The following NRP1 variants were observed in gnomAD, a reference collection of about 807,000 sequenced individuals.
NRP1 encodes neuropilin 1.
In NRP1, 35 loss-of-function variants were observed where a neutral mutation model predicts 106.7. That is an observed-to-expected ratio of 0.33 (90% CI 0.25 to 0.43). NRP1 has a LOEUF of 0.43. Ranked by LOEUF, NRP1 falls within the 20% of genes least tolerant of loss-of-function variation. The pLI is 1.00. For synonymous variants in NRP1, 437 were observed against 417.9 expected (o/e 1.05, Z -0.56); for missense variants, 1,024 against 1,170.4 (o/e 0.87, Z 1.83).
chr10:33,289,385 C>T (rs1033059023), intron 2 of NRP1, among the ~76,000 whole-genome samples: 15 of 152,092 alleles, frequency 9.9e-5, no homozygotes, highest in Non-Finnish European at 1.9e-4. Flanking sequence ...ATAGGTATTA[C>T]GTCTATAAAT....
intron 2 of NRP1, among the ~76,000 whole-genome samples, chr10:33,324,597 C>G (rs1297904323): frequency 6.6e-6 from 1 of 152,176 alleles, no homozygotes; most frequent in Non-Finnish European, 1.5e-5. Context: ...TCTATATCCA[C>G]TCCAAAGACT....
chr10:33,297,376 C>A (rs1039417713), intron 2 of NRP1, among the ~76,000 whole-genome samples: 29 of 152,266 alleles, frequency 1.9e-4, no homozygotes, highest in African/African-American at 5.5e-4. Context: ...GTATTTCCTA[C>A]CTTATATCTT....
At chr10:33,260,985 CAAA>C (rs35665366) in intron 4 of NRP1, among the ~76,000 whole-genome samples, 2 of 60,066 alleles carry the variant, frequency 3.3e-5, no homozygotes, top group African/African-American at 1.3e-4. Flanking sequence ...TGCCATTGAC[CAAA>C]AAAAAAAAAA....
intron 15 of NRP1, among the ~76,000 whole-genome samples, chr10:33,185,377 T>C (rs1338016868): frequency 6.6e-6 from 1 of 152,216 alleles, no homozygotes; most frequent in Non-Finnish European, 1.5e-5. Context: ...CATCTTTGGA[T>C]TCTGCATTAT....
chr10:33,266,227 T>A (rs114885306), intron 3 of NRP1, among the ~76,000 whole-genome samples: 1 of 152,226 alleles, frequency 6.6e-6, no homozygotes, highest in African/African-American at 2.4e-5. Context: ...TTTGGTGCTT[T>A]CACTTTGCCC....
chr10:33,299,682 A>C lies in NRP1; in HGVS notation c.249-28826T>G, dbSNP rs572790485. Among the ~76,000 whole-genome samples the C allele has an allele frequency of 3.8e-4, 58 of 152,312 alleles. No homozygotes were observed. In the South Asian group the frequency reaches 0.012, roughly 30 times the overall value. The stretch of plus-strand genomic sequence containing the variant: ...GCACTTGTGGTCCCAGCTACTGAAG[A>C]GTCTGAAGCAGGAGGCTCCCTTGAG... On this transcript the variant is annotated intron_variant, in intron 2 of 16. Transcript: ENST00000374867.
At chr10:33,303,782 A>G (rs938941003) in intron 2 of NRP1, among the ~76,000 whole-genome samples, 1 of 152,204 alleles carries the variant, frequency 6.6e-6, no homozygotes, top group African/African-American at 2.4e-5. Flanking sequence ...TTAAGATATA[A>G]CATATCTGTT....
In NRP1 at chr10:33,185,775, C is replaced by T. The variant is rs377371142; in HGVS notation, c.2335-51G>A. ...GTATTGAAATGCTCATCTCACATGG[C>T]AGTGTTTACAAATGCTTGTTCAGCT... is the stretch of plus-strand genomic sequence containing the variant. On this transcript the variant is annotated intron_variant, in intron 14 of 16. Coordinates refer to ENST00000374867, the MANE Select transcript of NRP1 (RefSeq NM_003873.7). The T allele has an allele frequency of 2.1e-5, 31 of 1,462,206 alleles. No homozygotes were observed. In the African/African-American group the frequency reaches 3.6e-4, roughly 17 times the overall value. 90.6% of individuals were successfully genotyped at this position (1,462,206 alleles called of 1,614,324 possible).
At chr10:33,302,945 G>A (rs903194862) in intron 2 of NRP1, among the ~76,000 whole-genome samples, 1 of 152,166 alleles carries the variant, frequency 6.6e-6, no homozygotes, top group Non-Finnish European at 1.5e-5. Context: ...GACTGCTTAG[G>A]TCTGTTTTTA....
chr10:33,332,031 T>C (rs1189291630), intron 1 of NRP1, among the ~76,000 whole-genome samples: 2 of 152,160 alleles, frequency 1.3e-5, no homozygotes, highest in Non-Finnish European at 2.9e-5. Flanking sequence ...CATGAATTTA[T>C]AAATCTACAG....
At chr10:33,298,425 G>A (rs922814853) in intron 2 of NRP1, among the ~76,000 whole-genome samples, 1 of 152,102 alleles carries the variant, frequency 6.6e-6, no homozygotes, top group African/African-American at 2.4e-5. Flanking sequence ...TTTTCAGCCT[G>A]GAAGACGATG....
chr10:33,331,294 G>C (rs530541009), intron 1 of NRP1, among the ~76,000 whole-genome samples: 80 of 152,286 alleles, frequency 5.3e-4, no homozygotes, highest in African/African-American at 1.7e-3. Flanking sequence ...GATGCTGTTC[G>C]ACCCCTTGTG....
chr10:33,196,461 C>T (rs1015128585), intron 12 of NRP1, among the ~76,000 whole-genome samples: 4 of 152,156 alleles, frequency 2.6e-5, no homozygotes, highest in East Asian at 1.9e-4. Flanking sequence ...AGGAAAGGCA[C>T]GGCTTTTTTC....
At chr10:33,234,884 G>A (rs1172102675) in intron 6 of NRP1, among the ~76,000 whole-genome samples, 1 of 152,188 alleles carries the variant, frequency 6.6e-6, no homozygotes, top group Non-Finnish European at 1.5e-5. Flanking sequence ...AGAATAACAT[G>A]AGATAAGGCT....
chr10:33,311,025 G>T (rs556274140), intron 2 of NRP1, among the ~76,000 whole-genome samples: 1 of 152,178 alleles, frequency 6.6e-6, no homozygotes, highest in Non-Finnish European at 1.5e-5. Context: ...TCCAGAGTAT[G>T]AGGCACAGCA....
intron 2 of NRP1, among the ~76,000 whole-genome samples, chr10:33,280,469 G>GTT (rs1273437637): frequency 6.6e-6 from 1 of 151,774 alleles, no homozygotes; most frequent in Non-Finnish European, 1.5e-5. Context: ...TTTATAACTT[G>GTT]TTCACCTCCC....
intron 10 of NRP1, chr10:33,206,350 G>A (rs1201650870): frequency 3.9e-6 from 2 of 518,844 alleles, no homozygotes; most frequent in Non-Finnish European, 3.8e-6. Context: ...TGTGTTGATA[G>A]TGCCTGGATA....
intron 3 of NRP1, among the ~76,000 whole-genome samples, chr10:33,266,438 T>C (rs1842922086): frequency 6.6e-6 from 1 of 152,182 alleles, no homozygotes; most frequent in Non-Finnish European, 1.5e-5. Context: ...CAAATGTGAG[T>C]TGGACTTTAG....
chr10:33,217,888 T>C (rs1030077881), intron 8 of NRP1, among the ~76,000 whole-genome samples: 2 of 152,200 alleles, frequency 1.3e-5, no homozygotes, highest in Non-Finnish European at 2.9e-5. Context: ...TCAGCTTTAA[T>C]GGAAAAACTG....
Sources: gnomAD v4.1 joint callset for allele counts (sites outside exome capture counted in the v4.1 genomes callset) on GRCh38, gnomAD v4.1.1 for gene constraint, MANE v1.5 for transcripts, NCBI Gene and HGNC (gene_info 2026-07-23, HGNC 2026-07-21) for gene names.